The following STX8 variants were observed in gnomAD, a reference collection of about 807,000 sequenced individuals.
The protein encoded by STX8 is syntaxin-8.
A neutral mutation model predicts 37.5 loss-of-function variants in STX8; 23 were observed. That is an observed-to-expected ratio of 0.61 (90% CI 0.44 to 0.87). The LOEUF (loss-of-function observed/expected upper bound fraction) is 0.87. Ranked by LOEUF, STX8 falls within the 40% of genes least tolerant of loss-of-function variation. The pLI is 0.00. For missense variants in STX8, 313 were observed against 284.7 expected (o/e 1.10, Z -0.71); for synonymous variants, 115 against 99.1 (o/e 1.16, Z -0.95).
chr17:9,531,314 A>G lies in STX8; in HGVS notation c.323+13858T>C, dbSNP rs146420372. On this transcript the variant is annotated intron_variant, in intron 4 of 7. Transcript: ENST00000306357. ...TCAGCTTCTCAAGTGGCAAAACGGA[A>G]ACAAAAATCTGGCTGGGGACTGTAA... Among the ~76,000 whole-genome samples, 289 of 152,338 alleles carry G rather than the reference A, an allele frequency of 1.9e-3. 3 individuals carry two copies. Among genetic ancestry groups the G allele is most frequent in the South Asian group, 3.1e-3 (15 of 4,834 alleles).
intron 6 of STX8, among the ~76,000 whole-genome samples, chr17:9,411,035 C>T (rs916651632): frequency 6.6e-6 from 1 of 152,194 alleles, no homozygotes; most frequent in East Asian, 1.9e-4. Context: ...ATAACAACCA[C>T]TGCAAAGTCC....
At chr17:9,429,051 T>A (rs1913746649) in intron 6 of STX8, among the ~76,000 whole-genome samples, 1 of 152,098 alleles carries the variant, frequency 6.6e-6, no homozygotes, top group Non-Finnish European at 1.5e-5. Context: ...GCAAACATAT[T>A]AATCCTTAAT....
intron 7 of STX8, among the ~76,000 whole-genome samples, chr17:9,375,159 T>C (rs867904618): frequency 6.6e-6 from 1 of 151,628 alleles, no homozygotes; most frequent in African/African-American, 2.4e-5. Flanking sequence ...AATCATTACA[T>C]ATAATTCTGT....
At chr17:9,431,273 G>A (rs1913963135) in intron 6 of STX8, among the ~76,000 whole-genome samples, 1 of 147,326 alleles carries the variant, frequency 6.8e-6, no homozygotes, top group South Asian at 2.2e-4. Context: ...GTATCACCAT[G>A]TTGGCCAGGA....
chr17:9,383,543 C>T (rs141433052), intron 6 of STX8, among the ~76,000 whole-genome samples: 156 of 152,280 alleles, frequency 1.0e-3, no homozygotes, highest in Middle Eastern at 6.8e-3. Context: ...GAACATGGAA[C>T]ATTTTTTATC....
In STX8 at chr17:9,545,154, T is replaced by C; in HGVS notation, c.323+18A>G. ...GTCTTCGCCCACCAAGTAATCCCTGTAAATAAAAACATCCTACCTGATTAG... is the reference window on the plus strand; with the variant it reads ...GTCTTCGCCCACCAAGTAATCCCTGCAAATAAAAACATCCTACCTGATTAG... On this transcript the variant is annotated intron_variant, in intron 4 of 7. Coordinates refer to ENST00000306357, the MANE Select transcript of STX8 (RefSeq NM_004853.3). The C allele has an allele frequency of 6.3e-7, 1 of 1,578,530 alleles. No homozygotes were observed. Among genetic ancestry groups the C allele is most frequent in the Non-Finnish European group, 8.7e-7 (1 of 1,149,544 alleles).
chr17:9,350,022 T>C (rs960381352), intron 7 of STX8, among the ~76,000 whole-genome samples: 2 of 152,150 alleles, frequency 1.3e-5, no homozygotes, highest in East Asian at 1.9e-4. Context: ...ACAGGCGTGA[T>C]TGTCCCAAAT....
intron 2 of STX8, among the ~76,000 whole-genome samples, chr17:9,563,376 G>T (rs913430394): frequency 1.3e-5 from 2 of 151,848 alleles, no homozygotes; most frequent in African/African-American, 2.4e-5. Flanking sequence ...TAGAGACGGG[G>T]TTTCACCATG....
chr17:9,440,284 T>C (rs1904595268), intron 6 of STX8, among the ~76,000 whole-genome samples: 1 of 152,170 alleles, frequency 6.6e-6, no homozygotes, highest in Non-Finnish European at 1.5e-5. Flanking sequence ...TAGTTATATG[T>C]GCTCAAAGGC....
intron 7 of STX8, among the ~76,000 whole-genome samples, chr17:9,286,502 T>A (rs1275925567): frequency 1.3e-5 from 2 of 151,824 alleles, no homozygotes; most frequent in Non-Finnish European, 2.9e-5. Context: ...TTAAAAAAGG[T>A]TTGGTAGGGA....
At chr17:9,373,516 T>C (rs540007613) in intron 7 of STX8, among the ~76,000 whole-genome samples, 21 of 152,312 alleles carry the variant, frequency 1.4e-4, no homozygotes, top group Non-Finnish European at 2.2e-4. Flanking sequence ...AAAGTATACA[T>C]ATGATCCCGC....
At chr17:9,494,013 T>G (rs35404990) in intron 5 of STX8, among the ~76,000 whole-genome samples, 17,931 of 151,522 alleles carry the variant, frequency 0.12, 1,184 homozygotes, top group Non-Finnish European at 0.13. Flanking sequence ...GTTTTGTTTT[T>G]TTGTTGTTGT....
intron 4 of STX8, among the ~76,000 whole-genome samples, chr17:9,534,938 A>G (rs1905967636): frequency 6.6e-6 from 1 of 152,220 alleles, no homozygotes. Context: ...GTCCAGAAAT[A>G]GATCAAAATA....
intron 7 of STX8, among the ~76,000 whole-genome samples, chr17:9,345,848 C>CTTTCTTTTTTTT (rs1555599095): frequency 3.8e-5 from 2 of 52,076 alleles, no homozygotes; most frequent in African/African-American, 1.4e-4. Context: ...TTATGCATTC[C>CTTTCTTTTTTTT]TTTTTTTTTT....
At chr17:9,342,707 A>G (rs977401823) in intron 7 of STX8, among the ~76,000 whole-genome samples, 4 of 151,964 alleles carry the variant, frequency 2.6e-5, no homozygotes, top group Admixed American at 2.6e-4. Context: ...TGACAGGGAG[A>G]TCAAGAGACA....
chr17:9,539,662 G>GAC (rs1379518731), intron 4 of STX8, among the ~76,000 whole-genome samples: 1 of 135,460 alleles, frequency 7.4e-6, no homozygotes, highest in Non-Finnish European at 1.6e-5. Context: ...CAACCCAACT[G>GAC]ACCCCCCCCA....
At chr17:9,526,332 T>A (rs1366778226) in intron 4 of STX8, among the ~76,000 whole-genome samples, 1 of 151,964 alleles carries the variant, frequency 6.6e-6, no homozygotes, top group African/African-American at 2.4e-5. Context: ...TAACACCGTA[T>A]CAGAAAGAAA....
chr17:9,474,526 C>A (rs1462475513), intron 6 of STX8, among the ~76,000 whole-genome samples: 1 of 152,136 alleles, frequency 6.6e-6, no homozygotes, highest in African/African-American at 2.4e-5. Flanking sequence ...GTGCCACTAA[C>A]TGGGTAGCCA....
At chr17:9,572,041 T>C (rs1215936622) in intron 1 of STX8, among the ~76,000 whole-genome samples, 2 of 152,220 alleles carry the variant, frequency 1.3e-5, no homozygotes, top group African/African-American at 4.8e-5. Context: ...GTGTATCTTT[T>C]ACCTTCCAAA....
Sources: allele counts gnomAD v4.1 joint callset (sites outside exome capture counted in the v4.1 genomes callset), GRCh38; gene constraint gnomAD v4.1.1; transcripts MANE v1.5; gene names NCBI Gene and HGNC (gene_info 2026-07-23, HGNC 2026-07-21).